The following DPP10 variants were observed in gnomAD, a reference collection of about 807,000 sequenced individuals.
The protein encoded by DPP10 is inactive dipeptidyl peptidase 10.
A neutral mutation model predicts 120.9 loss-of-function variants in DPP10; 33 were observed. The observed-to-expected ratio is 0.27, with a 90% CI of 0.21 to 0.37. DPP10 has a LOEUF of 0.37. Ranked by LOEUF, DPP10 falls within the 10% of genes least tolerant of loss-of-function variation. DPP10 has a pLI of 1.00. For missense variants in DPP10, 816 were observed against 942.8 expected (o/e 0.87, Z 1.76); for synonymous variants, 337 against 326.1 (o/e 1.03, Z -0.36).
chr2:114,790,906 G>A (rs995483153), intron 1 of DPP10, among the ~76,000 whole-genome samples: 1 of 152,140 alleles, frequency 6.6e-6, no homozygotes, highest in African/African-American at 2.4e-5. Flanking sequence ...GGCTTGGCTT[G>A]GGCTCAGAGG....
intron 5 of DPP10, among the ~76,000 whole-genome samples, chr2:115,651,411 G>A (rs978687702): frequency 1.3e-5 from 2 of 151,838 alleles, no homozygotes; most frequent in African/African-American, 4.8e-5. Flanking sequence ...CTCCTTTCCC[G>A]GCGCTGAATT....
intron 1 of DPP10, among the ~76,000 whole-genome samples, chr2:115,253,343 A>G (rs2058834097): frequency 6.6e-6 from 1 of 152,088 alleles, no homozygotes; most frequent in African/African-American, 2.4e-5. Flanking sequence ...ATATCATTCC[A>G]CCCCGAACCT....
chr2:115,226,272 T>G (rs1209920193), intron 1 of DPP10, among the ~76,000 whole-genome samples: 3 of 152,160 alleles, frequency 2.0e-5, no homozygotes, highest in Non-Finnish European at 4.4e-5. Context: ...ATTAAGAAAC[T>G]TAATTACCTA....
At chr2:114,579,728 C>T (rs1466864227) in intron 1 of DPP10, among the ~76,000 whole-genome samples, 3 of 152,140 alleles carry the variant, frequency 2.0e-5, no homozygotes, top group Non-Finnish European at 4.4e-5. Flanking sequence ...TTTATAGCAT[C>T]AACACAAGTC....
intron 1 of DPP10, among the ~76,000 whole-genome samples, chr2:114,959,146 C>A (rs1045688661): frequency 1.3e-5 from 2 of 152,162 alleles, no homozygotes; most frequent in Non-Finnish European, 2.9e-5. Context: ...GCAACCTCCA[C>A]CTCCCGGTTC....
At chr2:115,079,152 G>A (rs1003489626) in intron 1 of DPP10, among the ~76,000 whole-genome samples, 9 of 152,156 alleles carry the variant, frequency 5.9e-5, no homozygotes, top group Non-Finnish European at 1.3e-4. Flanking sequence ...GCGCTGAGGC[G>A]GGTGGATCGT....
At position 115,261,677 on chromosome 2, in the gene DPP10, G is replaced by C. The variant is rs779172167; in HGVS notation, c.61-47562G>C. Among the ~76,000 whole-genome samples the C allele has an allele frequency of 3.3e-5, 5 of 152,186 alleles. No individual in the cohort carries two copies. In the East Asian group the frequency reaches 5.8e-4, roughly 18 times the overall value. ...TGATGAACAGTTTGAAAGGTATGTT[G>C]TTCTCTTGTACTACATCCAGTGGTT... On this transcript the variant is annotated intron_variant, in intron 1 of 25. Transcript: ENST00000410059.
chr2:115,181,318 G>A (rs1449836526), intron 1 of DPP10, among the ~76,000 whole-genome samples: 4 of 152,042 alleles, frequency 2.6e-5, no homozygotes, highest in African/African-American at 7.2e-5. Flanking sequence ...TCCCTTATTC[G>A]GTGGCTTAAA....
intron 3 of DPP10, among the ~76,000 whole-genome samples, chr2:115,483,108 G>A (rs1353466271): frequency 3.3e-5 from 5 of 152,028 alleles, no homozygotes; most frequent in Non-Finnish European, 7.4e-5. Context: ...TGAAATGTAG[G>A]TAGGGTGGAG....
intron 1 of DPP10, among the ~76,000 whole-genome samples, chr2:114,572,291 G>T (rs1417196068): frequency 1.3e-5 from 2 of 152,076 alleles, no homozygotes; most frequent in African/African-American, 4.8e-5. Context: ...AGAATGTAAG[G>T]TGTTACCTAG....
chr2:114,860,277 T>A (rs190920292), intron 1 of DPP10, among the ~76,000 whole-genome samples: 1 of 152,312 alleles, frequency 6.6e-6, no homozygotes, highest in African/African-American at 2.4e-5. Context: ...CTAGTTACAC[T>A]AAGTTACTGA....
chr2:114,594,699 G>C (rs988150496), intron 1 of DPP10, among the ~76,000 whole-genome samples: 1 of 151,826 alleles, frequency 6.6e-6, no homozygotes, highest in Non-Finnish European at 1.5e-5. Flanking sequence ...TTGAAGGACA[G>C]TCTTTATTGA....
At chr2:115,553,200 T>C (rs2079982879) in intron 5 of DPP10, among the ~76,000 whole-genome samples, 1 of 152,106 alleles carries the variant, frequency 6.6e-6, no homozygotes, top group Non-Finnish European at 1.5e-5. Context: ...TCATTTGACT[T>C]TCAAAGTATA....
intron 1 of DPP10, among the ~76,000 whole-genome samples, chr2:114,926,631 A>G (rs1438208789): frequency 6.6e-6 from 1 of 152,158 alleles, no homozygotes; most frequent in Non-Finnish European, 1.5e-5. Context: ...AGTGACAGGT[A>G]CTTTCCCCCT....
chr2:114,830,561 C>T lies in DPP10; in HGVS notation c.60+387723C>T, dbSNP rs889264061. Among the ~76,000 whole-genome samples, 5 of 152,174 alleles carry T rather than the reference C, an allele frequency of 3.3e-5. No individual in the cohort carries two copies. The East Asian group carries it at 7.7e-4, about 23-fold the overall frequency. On this transcript the variant is annotated intron_variant, in intron 1 of 25. Coordinates refer to ENST00000410059, the MANE Select transcript of DPP10 (RefSeq NM_020868.6). ...ACGTAAATGTGCCTTCTCCCCTCCC[C>T]GTTACACCCAGCACACATATTGCCT...
chr2:114,667,305 T>A (rs757845925), intron 1 of DPP10, among the ~76,000 whole-genome samples: 4 of 152,240 alleles, frequency 2.6e-5, no homozygotes, highest in African/African-American at 7.2e-5. Flanking sequence ...GCCTTTTTTT[T>A]AATTAAAAGT....
rs182454476 is a variant in DPP10 at position 114,866,068 on chromosome 2, C to T, written c.60+423230C>T. 6.1e-4 allele frequency among the ~76,000 whole-genome samples: 93 copies of T among 151,508 alleles called. No homozygotes were observed. In the East Asian group the frequency reaches 9.5e-3, roughly 16 times the overall value. ...CGGAGGTTGCAGTGAGCTGAGATCG[C>T]GCCACTGCACTCCAGCCCAGTAACA... On this transcript the variant is annotated intron_variant, in intron 1 of 25. Transcript: ENST00000410059.
intron 5 of DPP10, among the ~76,000 whole-genome samples, chr2:115,582,872 A>G (rs1326059945): frequency 2.0e-5 from 3 of 152,152 alleles, no homozygotes; most frequent in Admixed American, 2.0e-4. Flanking sequence ...TGCTTTTGTC[A>G]CCACATTGCA....
chr2:114,549,619 C>T (rs1687703486), intron 1 of DPP10, among the ~76,000 whole-genome samples: 1 of 148,630 alleles, frequency 6.7e-6, no homozygotes, highest in Non-Finnish European at 1.5e-5. Flanking sequence ...TGAGATTGTG[C>T]CACTGCACTC....
Sources: allele counts gnomAD v4.1 joint callset (sites outside exome capture counted in the v4.1 genomes callset), GRCh38; gene constraint gnomAD v4.1.1; transcripts MANE v1.5; gene names NCBI Gene and HGNC (gene_info 2026-07-23, HGNC 2026-07-21).